Variants in ARL14EP observed in about 807,000 individuals in gnomAD.
The protein encoded by ARL14EP is ARF like GTPase 14 effector protein, also known as ARL14 effector protein.
ARL14EP carries 12 observed loss-of-function variants against 23.1 expected under a neutral mutation model. The observed-to-expected ratio is 0.52, with a 90% CI of 0.33 to 0.84. ARL14EP has a LOEUF of 0.84. Ranked by LOEUF, ARL14EP falls within the 40% of genes least tolerant of loss-of-function variation. The probability of loss-of-function intolerance (pLI) is 0.02; values close to 1 mark genes in which losing one functional copy is unlikely to be tolerated. For missense variants in ARL14EP, 253 were observed against 307.3 expected, an observed-to-expected ratio of 0.82 and a Z score of 1.32; for synonymous variants, 97 against 102.0, an observed-to-expected ratio of 0.95 and a Z score of 0.29.
At chr11:30,332,372 C>G (rs1241212584) in intron 2 of ARL14EP, among the ~76,000 whole-genome samples, 1 of 151,370 alleles carries the variant, frequency 6.6e-6, no homozygotes, top group African/African-American at 2.4e-5. Context: ...CTCTTTCCTC[C>G]CCAAATAACA....
Position 30,323,125 on chromosome 11 carries a change from T to G in ARL14EP, c.-141T>G, listed in dbSNP as rs533550229. ...TCTCAGTGGTAGCGCGGGGACTGGC[T>G]GGGAAGCGGTCGGTCGAGTGTGGCC... On this transcript the variant is annotated 5_prime_UTR_variant, in exon 1 of 4. Transcript: ENST00000282032. 1.3e-5 allele frequency: 2 copies of G among 152,762 alleles called. No homozygotes were observed. Among genetic ancestry groups the G allele is most frequent in the East Asian group, 3.8e-4 (2 of 5,196 alleles). 9.5% of individuals were successfully genotyped at this position (152,762 alleles called of 1,614,324 possible).
Position 30,337,361 on chromosome 11 carries a change from C to T in ARL14EP, c.*566C>T, listed in dbSNP as rs1947341873. On this transcript the variant is annotated 3_prime_UTR_variant, in exon 4 of 4. Coordinates refer to ENST00000282032, the MANE Select transcript of ARL14EP (RefSeq NM_152316.3). ...ACGTACAGCAGAGCATGTAGTTATGCTGTCTCTCTGTCATCTACTTGACAT... is the reference window on the plus strand; with the variant it reads ...ACGTACAGCAGAGCATGTAGTTATGTTGTCTCTCTGTCATCTACTTGACAT... The T allele has an allele frequency of 1.3e-5, 2 of 155,294 alleles. No homozygotes were observed. Among genetic ancestry groups the T allele is most frequent in the African/African-American group, 2.4e-5 (1 of 41,446 alleles). The allele number at this position is 155,294 out of a possible 1,614,324, so 9.6% of individuals were successfully genotyped here.
intron 3 of ARL14EP, among the ~76,000 whole-genome samples, chr11:30,335,761 AATAT>A (rs71060445): frequency 2.3e-5 from 3 of 129,888 alleles, no homozygotes; most frequent in Admixed American, 7.7e-5. Context: ...AAAGCAAAAA[AATAT>A]ATATATATAT....
intron 1 of ARL14EP, chr11:30,329,814 TATG>T (rs1299540694): frequency 6.6e-6 from 1 of 152,144 alleles, no homozygotes; most frequent in East Asian, 1.9e-4. Context: ...CTCGAATATT[TATG>T]ATAATAATCC....
chr11:30,338,030 A>G lies in ARL14EP; in HGVS notation c.*1235A>G, dbSNP rs1183521516. ...TATTGATTATTAAGATTGCAGGACC[A>G]TTTTTATGGTCCCACAGTACCATGT... On this transcript the variant is annotated 3_prime_UTR_variant, in exon 4 of 4. Coordinates refer to ENST00000282032, the MANE Select transcript of ARL14EP (RefSeq NM_152316.3). The G allele has an allele frequency of 6.6e-6, 1 of 152,208 alleles. No homozygotes were observed. Among genetic ancestry groups the G allele is most frequent in the African/African-American group, 2.4e-5 (1 of 41,458 alleles). The allele number at this position is 152,208 out of a possible 1,614,324, so 9.4% of individuals were successfully genotyped here.
chr11:30,335,695 A>G (rs939546501), intron 3 of ARL14EP, among the ~76,000 whole-genome samples: 1 of 152,066 alleles, frequency 6.6e-6, no homozygotes, highest in Non-Finnish European at 1.5e-5. Flanking sequence ...CTTAGACATA[A>G]GGCTGTTGCA....
chr11:30,331,737 C>G, intron 2 of ARL14EP: 1 of 1,049,692 alleles, frequency 9.5e-7, no homozygotes, highest in Non-Finnish European at 1.1e-6. Context: ...GTCTTTGCAG[C>G]AGGATGACTT....
intron 1 of ARL14EP, chr11:30,328,102 T>C (rs1947253605): frequency 6.6e-6 from 1 of 152,076 alleles, no homozygotes; most frequent in Non-Finnish European, 1.5e-5. Context: ...CTCCTTAATT[T>C]ATCTTAATCC....
At chr11:30,330,857 A>G (rs528815106) in intron 1 of ARL14EP, 29 bp from the exon 2 acceptor site, 1 of 1,259,590 alleles carries the variant, frequency 7.9e-7, no homozygotes, top group Non-Finnish European at 1.1e-6. Flanking sequence ...TTGCAGCACA[A>G]ATTTGATTCT....
At chr11:30,326,551 A>G (rs1392793757) in intron 1 of ARL14EP, among the ~76,000 whole-genome samples, 2 of 152,216 alleles carry the variant, frequency 1.3e-5, no homozygotes, top group Middle Eastern at 3.2e-3. Flanking sequence ...TTGCTAGGAA[A>G]CAGGCCCAAA....
rs529410929 is a variant in ARL14EP at position 30,338,076 on chromosome 11, C to T, written c.*1281C>T. On this transcript the variant is annotated 3_prime_UTR_variant, in exon 4 of 4. Coordinates refer to ENST00000282032, the MANE Select transcript of ARL14EP (RefSeq NM_152316.3). ...CATGTGAAATGAGGATCGCTTGTAGCTGGGAACAGTGCTTACTTCAGGGAA... is the reference window on the plus strand; with the variant it reads ...CATGTGAAATGAGGATCGCTTGTAGTTGGGAACAGTGCTTACTTCAGGGAA... The T allele has an allele frequency of 6.6e-6, 1 of 152,232 alleles. No homozygotes were observed. The highest frequency in any genetic ancestry group is 1.9e-4 in the East Asian group (1 of 5,180). 9.4% of individuals were successfully genotyped at this position (152,232 alleles called of 1,614,324 possible).
At chr11:30,334,982 G>T (rs546672850) in intron 3 of ARL14EP, among the ~76,000 whole-genome samples, 2 of 149,814 alleles carry the variant, frequency 1.3e-5, no homozygotes, top group Admixed American at 6.6e-5. Flanking sequence ...TAAGAAATAC[G>T]TTTTGTGAGG....
At chr11:30,329,073 G>A (rs1442572315) in intron 1 of ARL14EP, 2 of 151,708 alleles carry the variant, frequency 1.3e-5, no homozygotes, top group Non-Finnish European at 2.9e-5. Context: ...ATCTTTTTGG[G>A]GAAAATAATG....
Position 30,336,277 on chromosome 11 carries a change from C to G in ARL14EP, c.555-290C>G, listed in dbSNP as rs113170353. ...GCTAATAAAGTGAACCACTATTAAC[C>G]TGTCATTCTTTTTTGTTTGTTTAAA... On this transcript the variant is annotated intron_variant, in intron 3 of 3. Transcript: ENST00000282032. Among the ~76,000 whole-genome samples the G allele has an allele frequency of 9.2e-3, 1,394 of 152,202 alleles. 10 individuals are homozygous for G. Among genetic ancestry groups the G allele is most frequent in the Middle Eastern group, 0.024 (7 of 292 alleles).
rs7927876 is a variant in ARL14EP, at chr11:30,336,606, G to A, written c.594G>A (p.Gln198=). 6.2e-7 allele frequency: 1 copy of A among 1,614,026 alleles called. No homozygotes were observed. Among genetic ancestry groups the A allele is most frequent in the Non-Finnish European group, 8.5e-7 (1 of 1,179,984 alleles). The change falls in exon 4 of 4, where the codon CAG becomes CAA. Residue 198 remains glutamine (Q), a synonymous_variant. Transcript: ENST00000282032. The part of the protein sequence containing the change: ...IPAKSKVYDS[Q]GLLIFSGMDL... ...CAAAGAGTAAGGTCTATGATAGCCA[G>A]GGTCTCCTGATTTTTAGTGGGATGG...
chr11:30,329,306 CTG>C (rs1467021229), intron 1 of ARL14EP: 1 of 147,418 alleles, frequency 6.8e-6, no homozygotes, highest in Non-Finnish European at 1.5e-5. Context: ...TTCATTTTAA[CTG>C]TTATGTGGGA....
intron 1 of ARL14EP, chr11:30,330,306 C>G (rs1024624374): frequency 6.6e-6 from 1 of 152,354 alleles, no homozygotes; most frequent in African/African-American, 2.4e-5. Flanking sequence ...TTCATATAGA[C>G]CAGCTTGCTA....
chr11:30,331,440 A>T, intron 2 of ARL14EP, 66 bp downstream of exon 2: 1 of 1,604,724 alleles, frequency 6.2e-7, no homozygotes, highest in Admixed American at 1.7e-5. Flanking sequence ...CTTAACTATA[A>T]GAAAATCATA....
Position 30,336,486 on chromosome 11 carries a change from CTT to C in ARL14EP, c.555-70_555-69del, listed in dbSNP as rs554950398. 2,083 of 735,178 alleles carry C rather than the reference CTT, an allele frequency of 2.8e-3. 3 individuals are homozygous for C. The highest frequency in any genetic ancestry group is 5.0e-3 in the South Asian group (214 of 43,208). The allele number at this position is 735,178 out of a possible 1,614,324, so 45.5% of individuals were successfully genotyped here. On this transcript the variant is annotated intron_variant, in intron 3 of 3. Transcript: ENST00000282032. ...ACCTCATCTAAAAATATTTTATCTC[CTT>C]TTTTTTTTTTACTGTATTTTCAATT...
Sources: gnomAD v4.1 joint callset for allele counts (sites outside exome capture counted in the v4.1 genomes callset) on GRCh38, gnomAD v4.1.1 for gene constraint, MANE v1.5 for transcripts, NCBI Gene and HGNC (gene_info 2026-07-23, HGNC 2026-07-21) for gene names.